Variants in CSMD1 observed in about 807,000 individuals in gnomAD.
CSMD1 encodes CUB and Sushi multiple domains 1, also known as CUB and sushi domain-containing protein 1.
A neutral mutation model predicts 417.5 loss-of-function variants in CSMD1; 213 were observed. The observed-to-expected ratio is 0.51, with a 90% CI of 0.46 to 0.57. The LOEUF (loss-of-function observed/expected upper bound fraction) is 0.57, where lower values mean the gene tolerates loss of function less well. Ranked by LOEUF, CSMD1 falls within the 20% of genes least tolerant of loss-of-function variation. The pLI is 0.00. For synonymous variants in CSMD1, 2,862 were observed against 1,736.8 expected (o/e 1.65, Z -16.11); for missense variants, 6,923 against 4,529.7 (o/e 1.53, Z -15.17).
At chr8:4,501,125 A>T (rs1191136385) in intron 2 of CSMD1, among the ~76,000 whole-genome samples, 2 of 152,180 alleles carry the variant, frequency 1.3e-5, no homozygotes, top group African/African-American at 4.8e-5. Flanking sequence ...GAGTATCATG[A>T]CACATAATGA....
At chr8:3,876,961 A>G (rs1213327785) in intron 5 of CSMD1, among the ~76,000 whole-genome samples, 1 of 152,220 alleles carries the variant, frequency 6.6e-6, no homozygotes, top group African/African-American at 2.4e-5. Context: ...AGCACAAGAA[A>G]TAATTCATAA....
chr8:3,858,127 T>A (rs972241389), intron 5 of CSMD1, among the ~76,000 whole-genome samples: 1 of 152,242 alleles, frequency 6.6e-6, no homozygotes, highest in Non-Finnish European at 1.5e-5. Context: ...ACTTCGATCT[T>A]AGCTATCTCT....
intron 3 of CSMD1, among the ~76,000 whole-genome samples, chr8:4,216,858 A>G (rs541111621): frequency 9.2e-5 from 14 of 152,364 alleles, no homozygotes; most frequent in African/African-American, 3.1e-4. Context: ...GACCCACACC[A>G]GCTTGACAGT....
intron 4 of CSMD1, among the ~76,000 whole-genome samples, chr8:4,003,017 AAATAAAAACAACAC>A (rs1021741608): frequency 9.0e-6 from 1 of 110,620 alleles, no homozygotes; most frequent in Non-Finnish European, 1.9e-5. Context: ...AAATGTATAA[AAATAAAAACAACAC>A]AATAAAAAAA....
intron 26 of CSMD1, among the ~76,000 whole-genome samples, chr8:3,276,558 T>G (rs1802307476): frequency 6.6e-6 from 1 of 152,180 alleles, no homozygotes; most frequent in African/African-American, 2.4e-5. Context: ...CTCCCATGAT[T>G]CGATTACCTC....
intron 8 of CSMD1, among the ~76,000 whole-genome samples, chr8:3,606,607 G>C (rs909365868): frequency 4.6e-5 from 7 of 152,044 alleles, no homozygotes; most frequent in African/African-American, 1.7e-4. Flanking sequence ...CACTCCTGTA[G>C]ACCTTAGAAA....
chr8:4,688,636 T>C (rs1372635138), intron 1 of CSMD1, among the ~76,000 whole-genome samples: 2 of 152,060 alleles, frequency 1.3e-5, no homozygotes, highest in Non-Finnish European at 2.9e-5. Context: ...TTCAGAGCCA[T>C]TTGGGGGGGT....
At position 3,881,360 on chromosome 8, in the gene CSMD1, G is replaced by C. The variant is rs549455386; in HGVS notation, c.818+116543C>G. Among the ~76,000 whole-genome samples the C allele has an allele frequency of 3.4e-4, 52 of 151,260 alleles. 2 individuals are homozygous for C. Among genetic ancestry groups the C allele is most frequent in the Non-Finnish European group, 1.5e-5 (1 of 67,772 alleles). On this transcript the variant is annotated intron_variant, in intron 5 of 69. Transcript: ENST00000635120. The stretch of plus-strand genomic sequence containing the variant: ...TATATAAAAAGCAAGTTGGGGCCGG[G>C]TGCGGTGGCTTATGCCTATAATCCC...
At chr8:3,420,998 A>C (rs1320776806) in intron 12 of CSMD1, among the ~76,000 whole-genome samples, 1 of 152,196 alleles carries the variant, frequency 6.6e-6, no homozygotes, top group South Asian at 2.1e-4. Flanking sequence ...TGTGCTGTAG[A>C]TTATTAAAAA....
chr8:3,773,918 G>A (rs1430395537), intron 5 of CSMD1, among the ~76,000 whole-genome samples: 1 of 152,144 alleles, frequency 6.6e-6, no homozygotes, highest in Non-Finnish European at 1.5e-5. Context: ...GACCTGTGAG[G>A]TTGAGTAATT....
At chr8:3,999,074 TGA>T (rs1270890397) in intron 4 of CSMD1, among the ~76,000 whole-genome samples, 1 of 150,840 alleles carries the variant, frequency 6.6e-6, no homozygotes, top group African/African-American at 2.4e-5. Context: ...ATTACATATA[TGA>T]GAGAGAAGTA....
chr8:3,686,080 G>A (rs1323847829), intron 7 of CSMD1, among the ~76,000 whole-genome samples: 1 of 132,780 alleles, frequency 7.5e-6, no homozygotes, highest in Non-Finnish European at 1.6e-5. Flanking sequence ...ATCAGCCTCT[G>A]ATAACCATCA....
chr8:3,522,045 G>T (rs536057378), intron 10 of CSMD1, among the ~76,000 whole-genome samples: 1 of 152,168 alleles, frequency 6.6e-6, no homozygotes, highest in Non-Finnish European at 1.5e-5. Context: ...TATTGCCTGT[G>T]TGAATAATTT....
intron 40 of CSMD1, among the ~76,000 whole-genome samples, chr8:3,144,480 T>A (rs1818709991): frequency 6.6e-6 from 1 of 151,962 alleles, no homozygotes; most frequent in African/African-American, 2.4e-5. Flanking sequence ...TAAGCAAAAT[T>A]TAGAATTCTT....
At chr8:4,891,101 A>T (rs1463191681) in intron 1 of CSMD1, among the ~76,000 whole-genome samples, 1 of 152,162 alleles carries the variant, frequency 6.6e-6, no homozygotes, top group Non-Finnish European at 1.5e-5. Context: ...CTTTGGAACT[A>T]GCAAAGCCTT....
chr8:4,253,416 T>C, intron 3 of CSMD1, among the ~76,000 whole-genome samples: 1 of 152,192 alleles, frequency 6.6e-6, no homozygotes. Flanking sequence ...ATATATTTTT[T>C]TCCCACACCA....
At chr8:3,407,750 C>G in intron 14 of CSMD1, 149 bp downstream of exon 14, 1 of 733,838 alleles carries the variant, frequency 1.4e-6, no homozygotes. Flanking sequence ...TTCAGGATAA[C>G]ACTATAATTT....
chr8:4,803,671 G>A (rs1295660364), intron 1 of CSMD1, among the ~76,000 whole-genome samples: 2 of 152,138 alleles, frequency 1.3e-5, no homozygotes, highest in African/African-American at 4.8e-5. Flanking sequence ...AAACATATCA[G>A]TAAAATAAAG....
intron 7 of CSMD1, among the ~76,000 whole-genome samples, chr8:3,665,190 T>A (rs998935599): frequency 6.6e-6 from 1 of 152,162 alleles, no homozygotes; most frequent in African/African-American, 2.4e-5. Flanking sequence ...TATTAGGTAT[T>A]TGCATCTTTT....
Sources: gnomAD v4.1 joint callset for allele counts (sites outside exome capture counted in the v4.1 genomes callset) on GRCh38, gnomAD v4.1.1 for gene constraint, MANE v1.5 for transcripts, NCBI Gene and HGNC (gene_info 2026-07-23, HGNC 2026-07-21) for gene names.